Variants in TRPM3 observed in about 807,000 individuals in gnomAD.
The protein encoded by TRPM3 is long transient receptor potential channel 3.
A neutral mutation model predicts 181.2 loss-of-function variants in TRPM3; 77 were observed. That is an observed-to-expected ratio of 0.42 (90% CI 0.35 to 0.51). The LOEUF is 0.51. TRPM3 is among the 20% of genes least tolerant of loss of function. The pLI, the probability that TRPM3 is intolerant of heterozygous loss-of-function variation, is 0.01. For missense variants in TRPM3, 1,759 were observed against 2,196.7 expected, an observed-to-expected ratio of 0.80 and a Z score of 3.98; for synonymous variants, 745 against 796.4, an observed-to-expected ratio of 0.94 and a Z score of 1.09.
At chr9:70,809,702 A>G (rs76770776) in intron 6 of TRPM3, among the ~76,000 whole-genome samples, 1 of 152,216 alleles carries the variant, frequency 6.6e-6, no homozygotes, top group Non-Finnish European at 1.5e-5. Context: ...TAGTAACCCC[A>G]TCGTTAAGCA....
At chr9:70,803,033 T>TAA (rs78461560) in intron 6 of TRPM3, among the ~76,000 whole-genome samples, 1,309 of 42,770 alleles carry the variant, frequency 0.031, 123 homozygotes, top group Non-Finnish European at 0.036. Flanking sequence ...AGAAATTTTG[T>TAA]AAAAAAAAAA....
Position 70,840,346 on chromosome 9 carries a change from T to A in TRPM3, c.801+2657A>T, listed in dbSNP as rs78892798. 5.2e-3 allele frequency among the ~76,000 whole-genome samples: 793 copies of A among 152,280 alleles called. 4 individuals carry two copies. Among genetic ancestry groups the A allele is most frequent in the African/African-American group, 0.018 (731 of 41,566 alleles). On this transcript the variant is annotated intron_variant, in intron 5 of 25. Coordinates refer to ENST00000677713, the MANE Select transcript of TRPM3 (RefSeq NM_001366145.2). ...ATGGAAAAAGTAAAATACAACTGTC[T>A]TTCCTGTGTTCTCTATAACCTGCCA...
intron 1 of TRPM3, among the ~76,000 whole-genome samples, chr9:70,877,670 AT>A (rs2095892296): frequency 1.3e-5 from 2 of 152,006 alleles, no homozygotes; most frequent in African/African-American, 4.8e-5. Context: ...ATCCTAATTC[AT>A]TTATCCATTT....
At chr9:71,123,131 C>A (rs780394053), upstream of TRPM3, among the ~76,000 whole-genome samples, 2 of 152,194 alleles carry the variant, frequency 1.3e-5, no homozygotes, top group Non-Finnish European at 2.9e-5. Context: ...GTCTACTAGG[C>A]TGTAAAGACA....
chr9:71,331,677 AGGAG>A (rs1235307265), intron 1 of TRPM3, among the ~76,000 whole-genome samples: 2 of 145,344 alleles, frequency 1.4e-5, no homozygotes, highest in African/African-American at 5.1e-5. Flanking sequence ...GAGGAGGAGG[AGGAG>A]GGAGAGGAGA....
At position 70,695,770 on chromosome 9, in the gene TRPM3, A is replaced by G. The variant is rs115506542; in HGVS notation, c.1273-14192T>C. Among the ~76,000 whole-genome samples the G allele has an allele frequency of 3.8e-3, 575 of 152,276 alleles. 1 individual carries two copies. Among genetic ancestry groups the G allele is most frequent in the African/African-American group, 0.013 (544 of 41,540 alleles). On this transcript the variant is annotated intron_variant, in intron 8 of 25. Coordinates refer to ENST00000677713, the MANE Select transcript of TRPM3 (RefSeq NM_001366145.2). ...TGACTTCATCCAATCCCACAAAAGG[A>G]TACTCCTTAGTTACTGTTACTCTTC...
chr9:71,109,964 A>T (rs1388956496), intron 1 of TRPM3, among the ~76,000 whole-genome samples: 1 of 152,114 alleles, frequency 6.6e-6, no homozygotes, highest in African/African-American at 2.4e-5. Flanking sequence ...TTATCATTTC[A>T]TTTTCAGTCC....
chr9:71,170,453 T>C (rs1258992016), intron 1 of TRPM3, among the ~76,000 whole-genome samples: 1 of 152,194 alleles, frequency 6.6e-6, no homozygotes, highest in East Asian at 1.9e-4. Context: ...GAGTTTCCAT[T>C]AAGCTTCATT....
At chr9:70,811,249 CA>C in intron 6 of TRPM3, 2 of 1,602,194 alleles carry the variant, frequency 1.2e-6, no homozygotes, top group Admixed American at 1.7e-5. Context: ...GGCATCCTGT[CA>C]AAAAATAAAA....
intron 9 of TRPM3, among the ~76,000 whole-genome samples, chr9:70,656,932 T>C (rs1042556826): frequency 4.0e-5 from 5 of 125,740 alleles, no homozygotes; most frequent in Non-Finnish European, 6.7e-5. Context: ...AAAAGTGTTT[T>C]TTTTTTGGTA....
At chr9:71,075,296 A>C (rs2063307395) in intron 1 of TRPM3, among the ~76,000 whole-genome samples, 2 of 152,186 alleles carry the variant, frequency 1.3e-5, no homozygotes, top group Non-Finnish European at 2.9e-5. Context: ...CACCAACAAG[A>C]CTGCCATCAG....
At chr9:70,846,344 C>G (rs376147821) in intron 4 of TRPM3, 34 bp downstream of exon 4, 49 of 1,572,934 alleles carry the variant, frequency 3.1e-5, no homozygotes, top group Non-Finnish European at 5.3e-6. Context: ...TTCCCATGGC[C>G]TATGTTGACT....
intron 1 of TRPM3, among the ~76,000 whole-genome samples, chr9:71,019,076 CTAAGAA>C (rs1320753932): frequency 2.6e-5 from 4 of 151,960 alleles, no homozygotes; most frequent in East Asian, 1.9e-4. Flanking sequence ...ATATAAACAA[CTAAGAA>C]TAAGAGAAAA....
intron 1 of TRPM3, among the ~76,000 whole-genome samples, chr9:71,298,592 T>TA (rs1320021685): frequency 5.3e-5 from 8 of 151,924 alleles, no homozygotes; most frequent in Non-Finnish European, 1.2e-4. Flanking sequence ...ATCTACTTTT[T>TA]AAAAAAAATC....
chr9:71,183,892 G>A (rs2077534678), intron 1 of TRPM3, among the ~76,000 whole-genome samples: 1 of 152,056 alleles, frequency 6.6e-6, no homozygotes, highest in Non-Finnish European at 1.5e-5. Context: ...AGAAAGCACG[G>A]TTAAAATCTT....
chr9:70,698,207 C>A (rs976433112), intron 8 of TRPM3, among the ~76,000 whole-genome samples: 562 of 116,952 alleles, frequency 4.8e-3, no homozygotes, highest in Admixed American at 5.7e-3. Flanking sequence ...GACTCTGTCT[C>A]AAAAAAAAAA....
chr9:70,834,485 C>A (rs950240025), intron 5 of TRPM3, among the ~76,000 whole-genome samples: 1 of 152,148 alleles, frequency 6.6e-6, no homozygotes, highest in Non-Finnish European at 1.5e-5. Flanking sequence ...ATATCTCCAG[C>A]AATTCTTTGA....
intron 22 of TRPM3, among the ~76,000 whole-genome samples, chr9:70,559,193 C>T (rs1476283572): frequency 2.6e-5 from 4 of 152,214 alleles, no homozygotes; most frequent in Non-Finnish European, 5.9e-5. Context: ...CACTACCTGG[C>T]ACATAGTAGG....
chr9:71,186,947 T>C (rs1423090207), intron 1 of TRPM3, among the ~76,000 whole-genome samples: 1 of 152,074 alleles, frequency 6.6e-6, no homozygotes, highest in Non-Finnish European at 1.5e-5. Context: ...TTAAAAACTC[T>C]TCTTAAAAAT....
Sources: gnomAD v4.1 joint callset for allele counts (sites outside exome capture counted in the v4.1 genomes callset) on GRCh38, gnomAD v4.1.1 for gene constraint, MANE v1.5 for transcripts, NCBI Gene and HGNC (gene_info 2026-07-23, HGNC 2026-07-21) for gene names.